DNAJC3: variants seen among roughly 807,000 people sequenced by gnomAD.
DNAJC3 encodes the protein dnaJ homolog subfamily C member 3.
Under a neutral mutation model 68.6 loss-of-function variants are expected in DNAJC3, and 38 were observed. The ratio of observed to expected loss-of-function variants is 0.55; its 90% CI spans 0.43 to 0.73. The LOEUF (loss-of-function observed/expected upper bound fraction) is 0.73. Ranked by LOEUF, DNAJC3 falls within the 30% of genes least tolerant of loss-of-function variation. The probability of loss-of-function intolerance (pLI) is 0.00; values close to 1 mark genes in which losing one functional copy is unlikely to be tolerated. For synonymous variants in DNAJC3, 203 were observed against 204.0 expected, an observed-to-expected ratio of 1.00 and a Z score of 0.04; for missense variants, 526 against 591.9, an observed-to-expected ratio of 0.89 and a Z score of 1.16.
chr13:95,688,451 G>A (rs149853845), intron 1 of DNAJC3, among the ~76,000 whole-genome samples: 14 of 151,582 alleles, frequency 9.2e-5, no homozygotes, highest in African/African-American at 2.2e-4. Context: ...ATGCTTCTTC[G>A]ATGTCTAGTT....
chr13:95,782,548 T>C (rs1883484988), intron 9 of DNAJC3, among the ~76,000 whole-genome samples: 2 of 152,234 alleles, frequency 1.3e-5, no homozygotes, highest in African/African-American at 2.4e-5. Flanking sequence ...ATTTCTCTAA[T>C]GACCAGTGAT....
intron 1 of DNAJC3, among the ~76,000 whole-genome samples, chr13:95,707,986 G>T (rs996669664): frequency 2.5e-4 from 38 of 152,160 alleles, no homozygotes; most frequent in Non-Finnish European, 1.0e-4. Context: ...GCTTCTGTGG[G>T]TGTGAAATCT....
chr13:95,717,422 G>A lies in DNAJC3; in HGVS notation c.194-5820G>A, dbSNP rs942066363. Among the ~76,000 whole-genome samples, 6 of 152,326 alleles carry A rather than the reference G, an allele frequency of 3.9e-5. No individual in the cohort carries two copies. In the South Asian group the frequency reaches 1.2e-3, roughly 32 times the overall value. On this transcript the variant is annotated intron_variant, in intron 2 of 11. Coordinates refer to ENST00000602402, the MANE Select transcript of DNAJC3 (RefSeq NM_006260.5). ...AGTGCTCTAGCAACTTTCTGAAGGTGATATTCCAGTTCAAAAGATTCTGAG... is the reference window on the plus strand; with the variant it reads ...AGTGCTCTAGCAACTTTCTGAAGGTAATATTCCAGTTCAAAAGATTCTGAG...
At chr13:95,742,638 T>G in intron 4 of DNAJC3, 1 of 515,494 alleles carries the variant, frequency 1.9e-6, no homozygotes, top group Non-Finnish European at 3.9e-6. Context: ...TCTTAGGTGT[T>G]TCCTGTTCCT....
At chr13:95,704,511 C>T (rs2139620280) in intron 1 of DNAJC3, among the ~76,000 whole-genome samples, 1 of 152,332 alleles carries the variant, frequency 6.6e-6, no homozygotes, top group Admixed American at 6.5e-5. Context: ...GTCATGAGCA[C>T]ATTGTCCACC....
At chr13:95,739,829 A>C (rs1882063693) in intron 4 of DNAJC3, among the ~76,000 whole-genome samples, 1 of 152,206 alleles carries the variant, frequency 6.6e-6, no homozygotes, top group Non-Finnish European at 1.5e-5. Context: ...GTCATTCTCC[A>C]TCCAGCTTTG....
intron 4 of DNAJC3, among the ~76,000 whole-genome samples, chr13:95,743,229 A>G (rs1882203423): frequency 6.6e-6 from 1 of 152,236 alleles, no homozygotes; most frequent in Non-Finnish European, 1.5e-5. Context: ...AGCAGAGTTT[A>G]TTTGAGCAAA....
intron 10 of DNAJC3, 127 bp from the exon 11 acceptor site, chr13:95,786,880 C>T (rs1439550357): frequency 1.8e-6 from 2 of 1,104,174 alleles, no homozygotes; most frequent in Non-Finnish European, 2.6e-6. Context: ...GCCTGTGATA[C>T]CATTGGAACT....
chr13:95,677,594 G>A (rs553567929), intron 1 of DNAJC3, among the ~76,000 whole-genome samples: 4 of 152,366 alleles, frequency 2.6e-5, no homozygotes, highest in African/African-American at 4.8e-5. Context: ...CGGAGGAGGC[G>A]GGGTGCGGGG....
intron 4 of DNAJC3, among the ~76,000 whole-genome samples, chr13:95,725,928 G>C (rs1162159614): frequency 1.3e-5 from 2 of 148,640 alleles, no homozygotes; most frequent in Non-Finnish European, 3.0e-5. Flanking sequence ...TGCGGTGTTT[G>C]GTTTTTTGTC....
At chr13:95,691,272 G>C (rs1429715070) in intron 1 of DNAJC3, among the ~76,000 whole-genome samples, 1 of 151,582 alleles carries the variant, frequency 6.6e-6, no homozygotes, top group Non-Finnish European at 1.5e-5. Context: ...GTGGCTGCTG[G>C]GCGGAGGGGC....
chr13:95,789,481 G>A (rs1022504381), intron 11 of DNAJC3, among the ~76,000 whole-genome samples: 12 of 152,176 alleles, frequency 7.9e-5, no homozygotes, highest in African/African-American at 2.7e-4. Flanking sequence ...AAGAGGACAT[G>A]ATCTCATTCT....
intron 1 of DNAJC3, among the ~76,000 whole-genome samples, chr13:95,690,592 G>A (rs1256513647): frequency 1.3e-5 from 2 of 150,268 alleles, no homozygotes; most frequent in South Asian, 2.1e-4. Flanking sequence ...CCTCCCGGAC[G>A]GGGCGACTGG....
chr13:95,740,475 T>G (rs576382827), intron 4 of DNAJC3, among the ~76,000 whole-genome samples: 2 of 152,166 alleles, frequency 1.3e-5, no homozygotes, highest in African/African-American at 4.8e-5. Flanking sequence ...TCCGTGGGCG[T>G]AGGACCCTCC....
chr13:95,792,265 T>C lies in DNAJC3; in HGVS notation c.*1235T>C, dbSNP rs1883799720. 1 of 152,238 alleles carries C rather than the reference T, an allele frequency of 6.6e-6. No homozygotes were observed. Among genetic ancestry groups the C allele is most frequent in the African/African-American group, 2.4e-5 (1 of 41,460 alleles). 9.4% of individuals were successfully genotyped at this position (152,238 alleles called of 1,614,324 possible). On this transcript the variant is annotated 3_prime_UTR_variant, in exon 12 of 12. Transcript: ENST00000602402. ...ATTTAAGAAGTGAACTATTCAGTCT[T>C]TGTATACTGAATGCTTTTTCCCTAA... is the stretch of plus-strand genomic sequence containing the variant.
At chr13:95,699,649 TC>T (rs1487857518) in intron 1 of DNAJC3, among the ~76,000 whole-genome samples, 2 of 152,114 alleles carry the variant, frequency 1.3e-5, no homozygotes, top group Non-Finnish European at 2.9e-5. Flanking sequence ...TTGTTGTGAG[TC>T]CTTGGGCAGA....
At chr13:95,728,802 G>A (rs531450907) in intron 4 of DNAJC3, among the ~76,000 whole-genome samples, 21 of 152,188 alleles carry the variant, frequency 1.4e-4, no homozygotes, top group Non-Finnish European at 2.6e-4. Context: ...TATCATTTCT[G>A]TGTGTTGGGA....
chr13:95,760,860 T>A (rs1882801506), intron 7 of DNAJC3, 62 bp downstream of exon 7: 2 of 1,572,754 alleles, frequency 1.3e-6, no homozygotes, highest in African/African-American at 2.7e-5. Context: ...TGGGCACAAG[T>A]GAACTACAGA....
Position 95,793,307 on chromosome 13 carries a change from G to T in DNAJC3, c.*2277G>T, listed in dbSNP as rs907994392. 1.3e-5 allele frequency: 2 copies of T among 152,076 alleles called. No homozygotes were observed. Among genetic ancestry groups the T allele is most frequent in the African/African-American group, 4.8e-5 (2 of 41,390 alleles). The allele number at this position is 152,076 out of a possible 1,614,324, so 9.4% of individuals were successfully genotyped here. On this transcript the variant is annotated 3_prime_UTR_variant, in exon 12 of 12. Coordinates refer to ENST00000602402, the MANE Select transcript of DNAJC3 (RefSeq NM_006260.5). ...TGATGGCTGTCGGCAGTTTTCTGGT[G>T]TCCACCCAAACGGAGAGACAGTCAC...
Sources: allele counts gnomAD v4.1 joint callset (sites outside exome capture counted in the v4.1 genomes callset), GRCh38; gene constraint gnomAD v4.1.1; transcripts MANE v1.5; gene names NCBI Gene and HGNC (gene_info 2026-07-23, HGNC 2026-07-21).